The following RAD50 variants were observed in gnomAD, a reference collection of about 807,000 sequenced individuals.
The protein encoded by RAD50 is DNA repair protein RAD50.
Under a neutral mutation model 168.8 loss-of-function variants are expected in RAD50, and 132 were observed. That is an observed-to-expected ratio of 0.78 (90% CI 0.68 to 0.90). The LOEUF is 0.90. Ranked by LOEUF, RAD50 falls within the 40% of genes least tolerant of loss-of-function variation. The pLI is 0.00. For synonymous variants in RAD50, 525 were observed against 497.4 expected, an observed-to-expected ratio of 1.06 and a Z score of -0.74; for missense variants, 1,347 against 1,534.4, an observed-to-expected ratio of 0.88 and a Z score of 2.04.
chr5:132,587,874 A>C, intron 6 of RAD50, 50 bp from the exon 7 acceptor site: 4 of 1,584,270 alleles, frequency 2.5e-6, no homozygotes, highest in Non-Finnish European at 3.5e-6. Context: ...CAAAGTGATC[A>C]TATTTTCTTA....
In RAD50 at chr5:132,642,421, G is replaced by T; in HGVS notation, c.*57G>T. ...TAGGTCCTCAGAAAGTGTATAATAA[G>T]AAACTTATTTCTCATATCAACTTAG... On this transcript the variant is annotated 3_prime_UTR_variant, in exon 25 of 25. Transcript: ENST00000378823. The T allele has an allele frequency of 6.9e-7, 1 of 1,450,744 alleles. No homozygotes were observed. The highest frequency in any genetic ancestry group is 1.2e-5 in the South Asian group (1 of 83,670). 89.9% of individuals were successfully genotyped at this position (1,450,744 alleles called of 1,614,324 possible).
intron 21 of RAD50, among the ~76,000 whole-genome samples, chr5:132,627,226 A>G (rs764791073): frequency 6.6e-6 from 1 of 152,102 alleles, no homozygotes; most frequent in East Asian, 1.9e-4. Flanking sequence ...TGTTACTTAT[A>G]CTTCCTGGTT....
At chr5:132,617,721 G>T (rs1162251732) in intron 20 of RAD50, among the ~76,000 whole-genome samples, 1 of 152,138 alleles carries the variant, frequency 6.6e-6, no homozygotes, top group African/African-American at 2.4e-5. Flanking sequence ...TGATAATTGT[G>T]CATTCTCAGT....
At chr5:132,631,118 C>CT (rs34124696) in intron 21 of RAD50, among the ~76,000 whole-genome samples, 27,342 of 129,072 alleles carry the variant, frequency 0.21, 3,490 homozygotes, top group African/African-American at 0.33. Flanking sequence ...GAGAGTCTCA[C>CT]TTTTTTTTTT....
chr5:132,603,188 C>A (rs948507374), intron 13 of RAD50, 112 bp from the exon 14 acceptor site: 2 of 944,520 alleles, frequency 2.1e-6, no homozygotes, highest in African/African-American at 1.7e-5. Flanking sequence ...TGATATGATA[C>A]CCTGAAAAGA....
chr5:132,561,276 C>T (rs958187309), intron 2 of RAD50, among the ~76,000 whole-genome samples: 1 of 152,094 alleles, frequency 6.6e-6, no homozygotes, highest in Non-Finnish European at 1.5e-5. Context: ...CTTACTGCAA[C>T]CTCTGTCTCT....
chr5:132,591,826 T>A, intron 10 of RAD50, 51 bp from the exon 11 acceptor site: 1 of 1,338,916 alleles, frequency 7.5e-7, no homozygotes. Flanking sequence ...GTTCTTGATA[T>A]AATGTGGAGA....
At chr5:132,587,732 A>G in intron 6 of RAD50, 42 bp downstream of exon 6, 5 of 1,612,324 alleles carry the variant, frequency 3.1e-6, no homozygotes, top group Non-Finnish European at 4.2e-6. Flanking sequence ...AAATTTTGGG[A>G]TTATTGTAAT....
rs1320966435 is a variant in RAD50 at position 132,559,281 on chromosome 5, T to C, written c.130-3T>C. ...GAAATAATGTAATTTTCTATTTCTT[T>C]AGACCATCATTGAATGTCTAAAATA... On this transcript the variant is annotated splice_polypyrimidine_tract_variant and splice_region_variant and intron_variant, in intron 1 of 24. Coordinates refer to ENST00000378823, the MANE Select transcript of RAD50 (RefSeq NM_005732.4). 1 of 1,599,596 alleles carries C rather than the reference T, an allele frequency of 6.3e-7. No homozygotes were observed. Among genetic ancestry groups the C allele is most frequent in the East Asian group, 2.2e-5 (1 of 44,592 alleles).
chr5:132,609,744 T>C (rs1751052732), intron 19 of RAD50, among the ~76,000 whole-genome samples: 1 of 152,182 alleles, frequency 6.6e-6, no homozygotes, highest in African/African-American at 2.4e-5. Context: ...ATTGTACCAC[T>C]GCACTCTAGC....
chr5:132,575,951 A>C (rs1196897317), intron 3 of RAD50, 23 bp downstream of exon 3: 6 of 1,577,482 alleles, frequency 3.8e-6, no homozygotes, highest in Non-Finnish European at 4.3e-6. Context: ...ATGATATTTG[A>C]ATTTCTGTTC....
intron 19 of RAD50, 150 bp from the exon 20 acceptor site, chr5:132,615,853 A>AT (rs1327853370): frequency 7.7e-6 from 6 of 775,584 alleles, no homozygotes; most frequent in Non-Finnish European, 1.3e-5. Context: ...AGACCTGTAG[A>AT]TTCCTTCACA....
Position 132,559,358 on chromosome 5 carries a change from C to G in RAD50, c.204C>G (p.His68Gln), listed in dbSNP as rs28903084. 6.2e-7 allele frequency: 1 copy of G among 1,607,832 alleles called. No homozygotes were observed. The highest frequency in any genetic ancestry group is 1.1e-5 in the South Asian group (1 of 89,542). ...PPGTKGNTFV[H>Q]DPKVAQETDV... is the part of the protein sequence containing the mutation. Reference sequence around the variant, plus strand: ...GAACCAAAGGAAATACATTTGTACACGATCCCAAGGTAATGGTGCTAGTAC... The same window carrying G: ...GAACCAAAGGAAATACATTTGTACAGGATCCCAAGGTAATGGTGCTAGTAC... The change falls in exon 2 of 25, where the codon CAC becomes CAG. Residue 68 changes from histidine to glutamine, a missense_variant. This residue lies in a region of RAD50 where 703 missense variants were observed against 767.7 expected (regional missense o/e 0.92). Transcript: ENST00000378823.
In RAD50 at chr5:132,642,995, T is replaced by TCCC. The variant is rs1561662396; in HGVS notation, c.*632_*634dup. On this transcript the variant is annotated 3_prime_UTR_variant, in exon 25 of 25. Coordinates refer to ENST00000378823, the MANE Select transcript of RAD50 (RefSeq NM_005732.4). ...ACCCACCACCTTCTTCTCCTACATA[T>TCCC]CCCTTCCAGATGGTCATCCAGACTC... The TCCC allele has an allele frequency of 1.1e-5, 6 of 528,144 alleles. No homozygotes were observed. The highest frequency in any genetic ancestry group is 4.6e-5 in the South Asian group (3 of 64,870). The allele number at this position is 528,144 out of a possible 1,614,324, so 32.7% of individuals were successfully genotyped here.
intron 21 of RAD50, among the ~76,000 whole-genome samples, chr5:132,629,645 A>G (rs935250639): frequency 1.3e-5 from 2 of 152,180 alleles, no homozygotes; most frequent in African/African-American, 4.8e-5. Context: ...GGTGAGCCCT[A>G]AATTTGCCTT....
At chr5:132,594,698 G>A (rs1750758007) in intron 11 of RAD50, among the ~76,000 whole-genome samples, 171 bp from the exon 12 acceptor site, 1 of 152,168 alleles carries the variant, frequency 6.6e-6, no homozygotes, top group Admixed American at 6.5e-5. Flanking sequence ...GTCCTAGGGG[G>A]AGAGTTAAGG....
rs142350938 is a variant in RAD50, at chr5:132,602,323, A to G, written c.2208-977A>G. On this transcript the variant is annotated intron_variant, in intron 13 of 24. Transcript: ENST00000378823. Reference sequence around the variant, plus strand: ...ATTTATTCTACTGCTTTGTCATACTAATTCAATATAATTTTAAATAAGAAT... The same window carrying G: ...ATTTATTCTACTGCTTTGTCATACTGATTCAATATAATTTTAAATAAGAAT... Among the ~76,000 whole-genome samples the G allele has an allele frequency of 8.0e-4, 122 of 152,234 alleles. 2 individuals are homozygous for G. The highest frequency in any genetic ancestry group is 2.8e-3 in the African/African-American group (115 of 41,542).
In RAD50 at chr5:132,642,665, A is replaced by G. The variant is rs185122465; in HGVS notation, c.*301A>G. ...GTGCCTCCCTCCCCAGTGCAAATGCATGCTTCTTCTCAAAGCACTGTTGAG... is the reference window on the plus strand; with the variant it reads ...GTGCCTCCCTCCCCAGTGCAAATGCGTGCTTCTTCTCAAAGCACTGTTGAG... On this transcript the variant is annotated 3_prime_UTR_variant, in exon 25 of 25. Transcript: ENST00000378823. 306 of 468,580 alleles carry G rather than the reference A, an allele frequency of 6.5e-4. No homozygotes were observed. The highest frequency in any genetic ancestry group is 9.9e-4 in the Non-Finnish European group (255 of 257,612). The allele number at this position is 468,580 out of a possible 1,614,324, so 29.0% of individuals were successfully genotyped here.
intron 2 of RAD50, among the ~76,000 whole-genome samples, chr5:132,572,716 G>A (rs1161183653): frequency 6.6e-6 from 1 of 152,144 alleles, no homozygotes; most frequent in Non-Finnish European, 1.5e-5. Flanking sequence ...TTGTAGATCA[G>A]CTTCGGGTTT....
Sources: allele counts gnomAD v4.1 joint callset (sites outside exome capture counted in the v4.1 genomes callset), GRCh38; gene constraint gnomAD v4.1.1; regional missense constraint gnomAD v4.1.1; transcripts MANE v1.5; gene names NCBI Gene and HGNC (gene_info 2026-07-23, HGNC 2026-07-21).